MDN1: variants seen among roughly 807,000 people sequenced by gnomAD.
The protein encoded by MDN1 is midasin.
In MDN1, 266 loss-of-function variants were observed where a neutral mutation model predicts 669.2. The ratio of observed to expected loss-of-function variants is 0.40; its 90% CI spans 0.36 to 0.44. The LOEUF is 0.44. MDN1 is among the 20% of genes least tolerant of loss of function. The probability of loss-of-function intolerance (pLI) is 1.00; values close to 1 mark genes in which losing one functional copy is unlikely to be tolerated. For synonymous variants in MDN1, 2,385 were observed against 2,457.1 expected (o/e 0.97, Z 0.87); for missense variants, 5,940 against 6,754.0 (o/e 0.88, Z 4.22).
intron 75 of MDN1, among the ~76,000 whole-genome samples, chr6:89,677,942 C>T (rs545611703): frequency 3.9e-5 from 6 of 152,352 alleles, no homozygotes; most frequent in African/African-American, 1.4e-4. Context: ...TGCTATGCTG[C>T]AAGCATATGG....
At chr6:89,796,550 T>C (rs1330212702) in intron 2 of MDN1, among the ~76,000 whole-genome samples, 2 of 152,080 alleles carry the variant, frequency 1.3e-5, no homozygotes, top group African/African-American at 4.8e-5. Context: ...CTAATCCTAA[T>C]GAACCTTAAT....
rs375685263 is a variant in MDN1 at position 89,751,444 on chromosome 6, C to T, written c.3214G>A (p.Val1072Ile). 2 of 1,614,172 alleles carry T rather than the reference C, an allele frequency of 1.2e-6. No individual in the cohort carries two copies. Among genetic ancestry groups the T allele is most frequent in the Non-Finnish European group, 1.7e-6 (2 of 1,180,026 alleles). Residue 1072 changes from valine (V) to isoleucine (I), a missense_variant, in exon 23 of 102, where the codon GTT becomes ATT. Coordinates refer to ENST00000369393, the MANE Select transcript of MDN1 (RefSeq NM_014611.3). The part of the protein sequence containing the change: ...VKLNLRDIVR[V>I]VSAGTYPVLI... ...AAGCCCACACACCCTGCAGAGACAA[C>T]TCGGACTATATCTCTCAGGTTCAGC...
intron 1 of MDN1, chr6:89,815,258 CAG>C (rs1204008015): frequency 2.3e-6 from 1 of 434,088 alleles, no homozygotes; most frequent in Non-Finnish European, 4.5e-6. Flanking sequence ...TCTGCTCTCC[CAG>C]CGCATCTGAT....
intron 51 of MDN1, among the ~76,000 whole-genome samples, chr6:89,707,942 G>T (rs1813629920): frequency 6.6e-6 from 1 of 152,210 alleles, no homozygotes; most frequent in South Asian, 2.1e-4. Flanking sequence ...GATGTGGACA[G>T]AGAGATTGCT....
At chr6:89,737,082 G>C (rs1816021395) in intron 33 of MDN1, among the ~76,000 whole-genome samples, 1 of 152,130 alleles carries the variant, frequency 6.6e-6, no homozygotes, top group African/African-American at 2.4e-5. Flanking sequence ...TATGCCACTG[G>C]GTGACTGTGA....
At chr6:89,650,376 A>T (rs1364764738) in intron 96 of MDN1, among the ~76,000 whole-genome samples, 178 bp from the exon 97 acceptor site, 1 of 152,142 alleles carries the variant, frequency 6.6e-6, no homozygotes, top group Admixed American at 6.5e-5. Context: ...AGCCAGAAAA[A>T]CTGGACACGT....
intron 22 of MDN1, among the ~76,000 whole-genome samples, chr6:89,752,995 C>T (rs1280701091): frequency 6.6e-6 from 1 of 151,930 alleles, no homozygotes; most frequent in Non-Finnish European, 1.5e-5. Context: ...TGGTGGCATG[C>T]GCTTGTAATC....
In MDN1 at chr6:89,726,509, A is replaced by C. The variant is rs573384118; in HGVS notation, c.5473-1113T>G. On this transcript the variant is annotated intron_variant, in intron 37 of 101. Transcript: ENST00000369393. ...AAAAAAAAAAAAAGAAAAGAAAAAG[A>C]AAAAGACATGTAACACTAATTGTAG... is the stretch of plus-strand genomic sequence containing the variant. 4.0e-5 allele frequency among the ~76,000 whole-genome samples: 6 copies of C among 151,898 alleles called. No homozygotes were observed. The South Asian group carries it at 1.2e-3, about 32-fold the overall frequency.
chr6:89,794,083 C>T lies in MDN1; in HGVS notation c.662+17G>A, dbSNP rs374407860. On this transcript the variant is annotated intron_variant, in intron 4 of 101. Coordinates refer to ENST00000369393, the MANE Select transcript of MDN1 (RefSeq NM_014611.3). ...AAGAAATGCTATAGCAAGACCTCCACGAAGGTTCCTGCTTACCTCAACCTG... is the reference window on the plus strand; with the variant it reads ...AAGAAATGCTATAGCAAGACCTCCATGAAGGTTCCTGCTTACCTCAACCTG... 135 of 1,511,840 alleles carry T rather than the reference C, an allele frequency of 8.9e-5. 2 individuals carry two copies. In the East Asian group the frequency reaches 1.6e-3, roughly 17 times the overall value. 93.7% of individuals were successfully genotyped at this position (1,511,840 alleles called of 1,614,324 possible). A position where few individuals can be genotyped will look rare whatever the true frequency, so the allele number is the denominator to read the frequency against.
chr6:89,650,464 G>C (rs1265278694), intron 96 of MDN1, among the ~76,000 whole-genome samples: 1 of 152,148 alleles, frequency 6.6e-6, no homozygotes, highest in African/African-American at 2.4e-5. Flanking sequence ...GAATGATTTT[G>C]GACATCTTTG....
chr6:89,747,541 T>C (rs925328593), intron 26 of MDN1, 71 bp from the exon 27 acceptor site: 39 of 1,423,710 alleles, frequency 2.7e-5, no homozygotes, highest in Non-Finnish European at 2.9e-6. Flanking sequence ...GTACAATGCA[T>C]ATAAAATTCA....
rs1181039225 is a variant in MDN1, at chr6:89,680,686, G to A, written c.12168C>T (p.Arg4056=). 1.9e-6 allele frequency: 3 copies of A among 1,614,054 alleles called. No individual in the cohort carries two copies. The highest frequency in any genetic ancestry group is 1.1e-5 in the South Asian group (1 of 91,086). The stretch of plus-strand genomic sequence containing the variant: ...TCATGCGTTTCCTGAGCTTTGGCAA[G>A]CGACGCAGAAGCTCCCCTTCCAAGC... ...PSGLEGELLR[R]LPKLRKRMRK... Residue 4056 remains arginine (R), a synonymous_variant, in exon 74 of 102, where the codon CGC becomes CGT. Coordinates refer to ENST00000369393, the MANE Select transcript of MDN1 (RefSeq NM_014611.3).
At chr6:89,672,840 C>T in intron 80 of MDN1, 138 bp from the exon 81 acceptor site, 1 of 932,518 alleles carries the variant, frequency 1.1e-6, no homozygotes, top group Non-Finnish European at 1.6e-6. Context: ...AAAGAAGAGA[C>T]AAATTCCTTG....
At position 89,792,891 on chromosome 6, in the gene MDN1, C is replaced by T. The variant is rs576723029; in HGVS notation, c.855+871G>A. ...AAAATTAGCCAGGCATGGTGGCAGG[C>T]ACCTGTAATCCCAGCTACTCAGGAG... On this transcript the variant is annotated intron_variant, in intron 5 of 101. Transcript: ENST00000369393. Among the ~76,000 whole-genome samples, 7 of 152,080 alleles carry T rather than the reference C, an allele frequency of 4.6e-5. No individual in the cohort carries two copies. The South Asian group carries it at 1.2e-3, about 27-fold the overall frequency.
Position 89,738,417 on chromosome 6 carries a change from C to T in MDN1, c.4632G>A (p.Trp1544Ter). ...PALRNRFTEI[W>*]CPQSTSREDL... The stretch of plus-strand genomic sequence containing the variant: ...CTTCACGGCTTGTGCTTTGAGGGCA[C>T]CATATTTCTGTAAACCGGTTTCTTA... The change falls in exon 33 of 102, where the codon TGG becomes TGA. Residue 1544 changes from tryptophan to a stop codon, truncating the protein, a stop_gained. Transcript: ENST00000369393. LOFTEE classifies it high-confidence loss of function. The T allele has an allele frequency of 6.2e-7, 1 of 1,614,050 alleles. No individual in the cohort carries two copies.
chr6:89,645,254 TCTGTACTATTAA>T, intron 100 of MDN1, 97 bp from the exon 101 acceptor site: 1 of 1,346,508 alleles, frequency 7.4e-7, no homozygotes, highest in Non-Finnish European at 1.0e-6. Context: ...GTAGGCTTTC[TCTGTACTATTAA>T]AGCTAAACAG....
chr6:89,708,660 G>A (rs764410529), intron 50 of MDN1, 32 bp from the exon 51 acceptor site: 7 of 1,601,766 alleles, frequency 4.4e-6, no homozygotes, highest in African/African-American at 1.3e-5. Context: ...ACAAAAATCA[G>A]AAATATTGGA....
rs529983400 is a variant in MDN1 at position 89,671,193 on chromosome 6, G to C, written c.13795-113C>G. On this transcript the variant is annotated intron_variant, in intron 82 of 101. Coordinates refer to ENST00000369393, the MANE Select transcript of MDN1 (RefSeq NM_014611.3). The stretch of plus-strand genomic sequence containing the variant: ...CACAACATTGTGAATGTACTAAATA[G>C]TACTAATGGCAAGTTACATGTATGT... 24 of 1,149,594 alleles carry C rather than the reference G, an allele frequency of 2.1e-5. No individual in the cohort carries two copies. The African/African-American group carries it at 3.6e-4, about 17-fold the overall frequency. 71.2% of individuals were successfully genotyped at this position (1,149,594 alleles called of 1,614,324 possible).
chr6:89,745,179 G>A (rs1336691664), intron 29 of MDN1, 94 bp downstream of exon 29: 2 of 1,275,324 alleles, frequency 1.6e-6, no homozygotes, highest in South Asian at 2.2e-5. Flanking sequence ...GGAAAGAAGG[G>A]GGGATTAATA....
Sources: allele counts gnomAD v4.1 joint callset (sites outside exome capture counted in the v4.1 genomes callset), GRCh38; gene constraint gnomAD v4.1.1; transcripts MANE v1.5; gene names NCBI Gene and HGNC (gene_info 2026-07-23, HGNC 2026-07-21).